MYZAP: variants seen among roughly 807,000 people sequenced by gnomAD.
MYZAP encodes GRINL1A complex locus upstream.
Under a neutral mutation model 69.4 loss-of-function variants are expected in MYZAP, and 66 were observed. That is an observed-to-expected ratio of 0.95 (90% CI 0.78 to 1.17). The LOEUF (loss-of-function observed/expected upper bound fraction) is 1.17. Ranked by LOEUF, MYZAP falls within the 50% of genes most tolerant of loss-of-function variation. The probability of loss-of-function intolerance (pLI) is 0.00; values close to 1 mark genes in which losing one functional copy is unlikely to be tolerated. For synonymous variants in MYZAP, 256 were observed against 205.9 expected (o/e 1.24, Z -2.09); for missense variants, 611 against 556.2 (o/e 1.10, Z -0.99).
At position 57,594,736 on chromosome 15, in the gene MYZAP, A is replaced by G. The variant is rs1041355265; in HGVS notation, c.75+2627A>G. On this transcript the variant is annotated intron_variant, in intron 1 of 12. Coordinates refer to ENST00000267853, the MANE Select transcript of MYZAP (RefSeq NM_001018100.5). ...GTGCATCTCCACGGTTAAGTGACACATGACTACTTTATCATGATGGCAAAT... is the reference window on the plus strand; with the variant it reads ...GTGCATCTCCACGGTTAAGTGACACGTGACTACTTTATCATGATGGCAAAT... Among the ~76,000 whole-genome samples the G allele has an allele frequency of 3.9e-5, 6 of 152,226 alleles. No individual in the cohort carries two copies. The East Asian group carries it at 5.8e-4, about 15-fold the overall frequency.
intron 8 of MYZAP, 38 bp from the exon 9 acceptor site, chr15:57,637,657 G>A: frequency 6.2e-7 from 1 of 1,600,052 alleles, no homozygotes; most frequent in Non-Finnish European, 8.5e-7. Flanking sequence ...TCAAACTTGG[G>A]ATCCATTGAT....
At chr15:57,627,397 GGGAGGGGAGGGGAAGGGGGAGGAGGAGGA>G (rs1194693400) in intron 5 of MYZAP, among the ~76,000 whole-genome samples, 41 of 132,566 alleles carry the variant, frequency 3.1e-4, no homozygotes, top group Non-Finnish European at 4.0e-4. Flanking sequence ...GAGGGGGAGG[GGGAGGGGAGGGGAAGGGGGAGGAGGAGGA>G]GGAGGAGAAG....
chr15:57,668,894 A>ATTTT (rs869270863), intron 11 of MYZAP, among the ~76,000 whole-genome samples: 1 of 62,608 alleles, frequency 1.6e-5, no homozygotes, highest in African/African-American at 3.9e-5. Context: ...ATATATATAT[A>ATTTT]TTTTTTTTTT....
intron 7 of MYZAP, 146 bp from the exon 8 acceptor site, chr15:57,633,467 G>A: frequency 2.5e-6 from 3 of 1,185,118 alleles, no homozygotes; most frequent in Non-Finnish European, 3.4e-6. Context: ...CCGTGAGGTT[G>A]AGTTCATGAT....
chr15:57,644,107 G>A (rs181382103), intron 10 of MYZAP, among the ~76,000 whole-genome samples: 25 of 152,294 alleles, frequency 1.6e-4, no homozygotes, highest in South Asian at 1.2e-3. Context: ...GTTTTGTTTC[G>A]TTTTAAAAAC....
intron 8 of MYZAP, among the ~76,000 whole-genome samples, chr15:57,635,556 A>C (rs936395132): frequency 5.3e-5 from 8 of 152,190 alleles, no homozygotes; most frequent in Non-Finnish European, 1.2e-4. Flanking sequence ...AACCTTCCCC[A>C]AGTGGTGTTG....
At chr15:57,638,304 A>C (rs942490398) in intron 9 of MYZAP, among the ~76,000 whole-genome samples, 2 of 152,100 alleles carry the variant, frequency 1.3e-5, no homozygotes, top group Admixed American at 6.5e-5. Context: ...GGTTGAGATG[A>C]TTTGAGTGTT....
chr15:57,596,638 G>A (rs543999197), intron 1 of MYZAP, among the ~76,000 whole-genome samples: 2 of 152,272 alleles, frequency 1.3e-5, no homozygotes, highest in East Asian at 1.9e-4. Context: ...TGCTTCAAGA[G>A]CCTCCTCAGT....
chr15:57,679,937 G>A (rs139779568), intron 12 of MYZAP, among the ~76,000 whole-genome samples: 267 of 152,312 alleles, frequency 1.8e-3, no homozygotes, highest in African/African-American at 5.9e-3. Context: ...TTAGGAGTGA[G>A]TAAGAATACT....
chr15:57,654,005 A>AT, intron 10 of MYZAP, among the ~76,000 whole-genome samples: 1 of 50,450 alleles, frequency 2.0e-5, no homozygotes, highest in Non-Finnish European at 3.7e-5. Flanking sequence ...ACGCTGTCAA[A>AT]AAAAAAAAAA....
chr15:57,612,963 G>A (rs7163426), intron 2 of MYZAP, among the ~76,000 whole-genome samples: 3,969 of 151,312 alleles, frequency 0.026, 181 homozygotes, highest in African/African-American at 0.09. Flanking sequence ...ACGGAGTCTC[G>A]CTCTGTCGCC....
chr15:57,594,363 G>T (rs1225287314), intron 1 of MYZAP, among the ~76,000 whole-genome samples: 1 of 152,180 alleles, frequency 6.6e-6, no homozygotes, highest in African/African-American at 2.4e-5. Flanking sequence ...TGATACAACT[G>T]CCTCGGCCTC....
intron 11 of MYZAP, among the ~76,000 whole-genome samples, chr15:57,669,445 T>C (rs2038765621): frequency 6.6e-6 from 1 of 152,170 alleles, no homozygotes; most frequent in South Asian, 2.1e-4. Flanking sequence ...ACTTTTAATG[T>C]CTCTTTAATT....
chr15:57,613,545 A>AT, intron 2 of MYZAP, among the ~76,000 whole-genome samples: 1 of 151,810 alleles, frequency 6.6e-6, no homozygotes, highest in African/African-American at 2.4e-5. Context: ...TAATTTTTGC[A>AT]TTTTTTGCAG....
intron 10 of MYZAP, among the ~76,000 whole-genome samples, chr15:57,654,643 T>G (rs527824447): frequency 6.6e-6 from 1 of 152,328 alleles, no homozygotes; most frequent in African/African-American, 2.4e-5. Context: ...TCTTGCACAA[T>G]TGAGTGCTAC....
At chr15:57,640,084 T>G (rs749875002) in intron 10 of MYZAP, among the ~76,000 whole-genome samples, 1 of 152,188 alleles carries the variant, frequency 6.6e-6, no homozygotes, top group Non-Finnish European at 1.5e-5. Context: ...ATCCTTTCTC[T>G]CCTAACTGTC....
At chr15:57,611,026 G>A (rs1644459336) in intron 2 of MYZAP, among the ~76,000 whole-genome samples, 1 of 152,130 alleles carries the variant, frequency 6.6e-6, no homozygotes, top group Admixed American at 6.5e-5. Context: ...GACATGTAGA[G>A]TTGAGTAGGA....
intron 12 of MYZAP, among the ~76,000 whole-genome samples, chr15:57,681,382 G>T (rs2039431759): frequency 6.6e-6 from 1 of 152,214 alleles, no homozygotes. Flanking sequence ...CTCTGTGGCT[G>T]GCTTCTGTGA....
chr15:57,609,296 A>G (rs1396360860), intron 2 of MYZAP, among the ~76,000 whole-genome samples: 1 of 152,246 alleles, frequency 6.6e-6, no homozygotes, highest in African/African-American at 2.4e-5. Context: ...GATGGCTTCA[A>G]TAACCGAAAG....
Sources: gnomAD v4.1 joint callset for allele counts (sites outside exome capture counted in the v4.1 genomes callset) on GRCh38, gnomAD v4.1.1 for gene constraint, MANE v1.5 for transcripts, NCBI Gene and HGNC (gene_info 2026-07-23, HGNC 2026-07-21) for gene names.